Variants in TGM3 observed in about 807,000 individuals in gnomAD.
TGM3 encodes protein-glutamine gamma-glutamyltransferase E.
TGM3 carries 52 observed loss-of-function variants against 73.8 expected under a neutral mutation model. The observed-to-expected ratio is 0.70, with a 90% CI of 0.56 to 0.89. The LOEUF (loss-of-function observed/expected upper bound fraction) is 0.89, where lower values mean the gene tolerates loss of function less well. TGM3 is among the 40% of genes least tolerant of loss of function. TGM3 has a pLI of 0.00. For missense variants in TGM3, 928 were observed against 909.9 expected (o/e 1.02, Z -0.26); for synonymous variants, 372 against 354.9 (o/e 1.05, Z -0.54).
At chr20:2,309,521 A>C (rs2084191558) in intron 1 of TGM3, 136 bp from the exon 2 acceptor site, 1 of 807,800 alleles carries the variant, frequency 1.2e-6, no homozygotes, top group African/African-American at 1.7e-5. Flanking sequence ...TTGGATTTTA[A>C]TGTGATTCTT....
chr20:2,336,441 A>G (rs893222742), intron 11 of TGM3, among the ~76,000 whole-genome samples: 2 of 151,848 alleles, frequency 1.3e-5, no homozygotes, highest in African/African-American at 4.8e-5. Flanking sequence ...TACAATCACA[A>G]TGCCACAGGT....
chr20:2,310,467 A>G, intron 3 of TGM3, 50 bp downstream of exon 3: 2 of 1,597,068 alleles, frequency 1.3e-6, no homozygotes, highest in Non-Finnish European at 1.7e-6. Context: ...GCTAGAAAAG[A>G]AAAAGGGGAT....
intron 1 of TGM3, among the ~76,000 whole-genome samples, chr20:2,304,770 G>A (rs1415981779): frequency 4.6e-5 from 7 of 152,160 alleles, no homozygotes; most frequent in Non-Finnish European, 8.8e-5. Flanking sequence ...CACACTGTTT[G>A]GAGTTAGCAC....
chr20:2,308,429 A>T (rs775007558), intron 1 of TGM3, among the ~76,000 whole-genome samples: 1 of 152,188 alleles, frequency 6.6e-6, no homozygotes, highest in Non-Finnish European at 1.5e-5. Context: ...TTTCCCAAAA[A>T]GTTTATATCA....
rs1212139373 is a variant in TGM3, at chr20:2,334,907, A to G, written c.1643-209A>G. Among the ~76,000 whole-genome samples, 3 of 152,092 alleles carry G rather than the reference A, an allele frequency of 2.0e-5. No individual in the cohort carries two copies. Among genetic ancestry groups the G allele is most frequent in the African/African-American group, 7.2e-5 (3 of 41,412 alleles). ...CCTGGGAATCTGCCCAGCCAGAGAGAGTCCTGGGGCCTCTTTGCCCCCTGC... is the reference window on the plus strand; with the variant it reads ...CCTGGGAATCTGCCCAGCCAGAGAGGGTCCTGGGGCCTCTTTGCCCCCTGC... On this transcript the variant is annotated intron_variant, in intron 10 of 12. Coordinates refer to ENST00000381458, the MANE Select transcript of TGM3 (RefSeq NM_003245.4). The surrounding 1 kb of genome is among the most constrained non-coding windows in gnomAD (Gnocchi z 4.0).
At position 2,310,297 on chromosome 20, in the gene TGM3, TC is replaced by T; in HGVS notation, c.303del (p.Ser102ValfsTer7). 6.2e-7 allele frequency: 1 copy of T among 1,614,174 alleles called. No homozygotes were observed. Among genetic ancestry groups the T allele is most frequent in the Non-Finnish European group, 8.5e-7 (1 of 1,180,010 alleles). On this transcript the variant is annotated frameshift_variant, in exon 3 of 13. Coordinates refer to ENST00000381458, the MANE Select transcript of TGM3 (RefSeq NM_003245.4). LOFTEE classifies it high-confidence loss of function. Reference sequence around the variant, plus strand: ...TGGCAATACTCTGACTATCAGCATCTCCAGTCCTGCCAGCGCACCCATAGGA... The same window carrying T: ...TGGCAATACTCTGACTATCAGCATCTCAGTCCTGCCAGCGCACCCATAGGA... ...SNGNTLTISI[S>X]SPASAPIGRY... is the part of the protein sequence containing the mutation.
chr20:2,321,025 C>G (rs1378744210), intron 7 of TGM3, among the ~76,000 whole-genome samples: 1 of 152,168 alleles, frequency 6.6e-6, no homozygotes, highest in African/African-American at 2.4e-5. Context: ...CTCAGCCAAG[C>G]CCCTGGCTCC....
chr20:2,303,015 T>C (rs2092378), intron 1 of TGM3, among the ~76,000 whole-genome samples: 17,530 of 152,196 alleles, frequency 0.12, 1,132 homozygotes, highest in Middle Eastern at 0.24. Flanking sequence ...ATGCCCAGAA[T>C]AGGGCCGAGC....
At position 2,334,047 on chromosome 20, in the gene TGM3, C is replaced by A. The variant is rs1261186582; in HGVS notation, c.1643-1069C>A. Reference sequence around the variant, plus strand: ...GGTGCTGGGGCATCCCCAGGCCACCCAGCATGACAGCCTGAGGGAAGGGAG... The same window carrying A: ...GGTGCTGGGGCATCCCCAGGCCACCAAGCATGACAGCCTGAGGGAAGGGAG... On this transcript the variant is annotated intron_variant, in intron 10 of 12. Coordinates refer to ENST00000381458, the MANE Select transcript of TGM3 (RefSeq NM_003245.4). The surrounding 1 kb of genome is among the most constrained non-coding windows in gnomAD (Gnocchi z 4.0). Among the ~76,000 whole-genome samples, 1 of 152,180 alleles carries A rather than the reference C, an allele frequency of 6.6e-6. No homozygotes were observed. Among genetic ancestry groups the A allele is most frequent in the Non-Finnish European group, 1.5e-5 (1 of 68,030 alleles).
At chr20:2,319,454 G>A (rs887948262) in intron 7 of TGM3, among the ~76,000 whole-genome samples, 2 of 152,208 alleles carry the variant, frequency 1.3e-5, no homozygotes, top group African/African-American at 4.8e-5. Context: ...CAGGAACTCG[G>A]AGGAAATCCT....
Position 2,310,383 on chromosome 20 carries a change from G to A in TGM3, c.387G>A (p.Gly129=). Residue 129 remains glycine, a synonymous_variant, in exon 3 of 13, where the codon GGG becomes GGA. Transcript: ENST00000381458. ...SQGGISSVKL[G]TFILLFNPWL... is the part of the protein sequence containing the mutation. ...GCGGCATCTCCTCTGTGAAACTTGG[G>A]ACGTTCATACTGCTTTTTAACCCCT... The A allele has an allele frequency of 6.2e-7, 1 of 1,614,204 alleles. No individual in the cohort carries two copies. The highest frequency in any genetic ancestry group is 8.5e-7 in the Non-Finnish European group (1 of 1,180,034).
At chr20:2,329,555 C>G (rs1181156517) in intron 9 of TGM3, among the ~76,000 whole-genome samples, 1 of 152,040 alleles carries the variant, frequency 6.6e-6, no homozygotes, top group Non-Finnish European at 1.5e-5. Context: ...CTTGGGGATG[C>G]AACAGAGGAC....
At position 2,340,621 on chromosome 20, in the gene TGM3, G is replaced by T; in HGVS notation, c.*40G>T. The T allele has an allele frequency of 1.9e-6, 3 of 1,613,062 alleles. No individual in the cohort carries two copies. The South Asian group carries it at 3.3e-5, about 18-fold the overall frequency. On this transcript the variant is annotated 3_prime_UTR_variant, in exon 13 of 13. Coordinates refer to ENST00000381458, the MANE Select transcript of TGM3 (RefSeq NM_003245.4). ...CTCCCGTACAAACTTGGACAACACGGAGCAGGGAGAGCTCACCATGGAATG... is the reference window on the plus strand; with the variant it reads ...CTCCCGTACAAACTTGGACAACACGTAGCAGGGAGAGCTCACCATGGAATG...
chr20:2,334,989 T>C lies in TGM3; in HGVS notation c.1643-127T>C. On this transcript the variant is annotated intron_variant, in intron 10 of 12. Coordinates refer to ENST00000381458, the MANE Select transcript of TGM3 (RefSeq NM_003245.4). The surrounding 1 kb of genome is among the most constrained non-coding windows in gnomAD (Gnocchi z 4.0). ...CCACAGGACCTGGCCCAAGGAGGGC[T>C]CAGTCAAGCCCGGGGCTGCAGATCC... 8.2e-7 allele frequency: 1 copy of C among 1,223,466 alleles called. No individual in the cohort carries two copies. Among genetic ancestry groups the C allele is most frequent in the Non-Finnish European group, 1.2e-6 (1 of 864,774 alleles). The allele number at this position is 1,223,466 out of a possible 1,614,324, so 75.8% of individuals were successfully genotyped here. A position where few individuals can be genotyped will look rare whatever the true frequency, so the allele number is the denominator to read the frequency against.
Position 2,300,700 on chromosome 20 carries a change from C to T in TGM3, c.7+4630C>T, listed in dbSNP as rs139994814. ...CATCTGTGAAATGGGGACAGCAACA[C>T]CATTTTGATAGTCAGTATTTCGTGA... On this transcript the variant is annotated intron_variant, in intron 1 of 12. Transcript: ENST00000381458. Among the ~76,000 whole-genome samples the T allele has an allele frequency of 3.3e-5, 5 of 152,318 alleles. No individual in the cohort carries two copies. In the East Asian group the frequency reaches 7.7e-4, roughly 24 times the overall value.
intron 5 of TGM3, among the ~76,000 whole-genome samples, chr20:2,315,588 C>T (rs1568626137): frequency 6.6e-6 from 1 of 152,236 alleles, no homozygotes; most frequent in Non-Finnish European, 1.5e-5. Context: ...CTTACAGGCA[C>T]TCCAAGGAGA....
intron 1 of TGM3, among the ~76,000 whole-genome samples, chr20:2,303,282 C>G (rs2084160616): frequency 6.6e-6 from 1 of 151,202 alleles, no homozygotes. Context: ...GCCTGGGCGA[C>G]AGAGGGAGAC....
intron 9 of TGM3, among the ~76,000 whole-genome samples, chr20:2,331,005 CAAAA>C (rs59627856): frequency 0.042 from 2,769 of 65,442 alleles, 45 homozygotes; most frequent in African/African-American, 0.12. Context: ...GACCCTGTCA[CAAAA>C]AAAAAAAAAA....
In TGM3 at chr20:2,317,076, C is replaced by T. The variant is rs2084237482; in HGVS notation, c.678C>T (p.Ser226=). The T allele has an allele frequency of 6.2e-7, 1 of 1,613,636 alleles. No individual in the cohort carries two copies. The highest frequency in any genetic ancestry group is 8.5e-7 in the Non-Finnish European group (1 of 1,180,014). The change falls in exon 6 of 13, where the codon AGC becomes AGT. Residue 226 remains serine, a synonymous_variant. Coordinates refer to ENST00000381458, the MANE Select transcript of TGM3 (RefSeq NM_003245.4). ...VGRVLSAMIN[S]NDDNGVLAGN... is the part of the protein sequence containing the mutation. Reference sequence around the variant, plus strand: ...GGGTGGTTTCTGCCCAGATCAATAGCAATGATGACAATGGTGTGCTTGCTG... The same window carrying T: ...GGGTGGTTTCTGCCCAGATCAATAGTAATGATGACAATGGTGTGCTTGCTG...
Sources: allele counts gnomAD v4.1 joint callset (sites outside exome capture counted in the v4.1 genomes callset), GRCh38; gene constraint gnomAD v4.1.1; non-coding constraint Gnocchi (gnomAD v3.1); transcripts MANE v1.5; gene names NCBI Gene and HGNC (gene_info 2026-07-23, HGNC 2026-07-21).